Variants in LAMA4 observed in about 807,000 individuals in gnomAD.
LAMA4 encodes laminin subunit alpha 4.
LAMA4 carries 127 observed loss-of-function variants against 207.1 expected under a neutral mutation model. That is an observed-to-expected ratio of 0.61 (90% CI 0.53 to 0.71). The LOEUF is 0.71. Ranked by LOEUF, LAMA4 falls within the 30% of genes least tolerant of loss-of-function variation. LAMA4 has a pLI of 0.00. For synonymous variants in LAMA4, 761 were observed against 816.0 expected, an observed-to-expected ratio of 0.93 and a Z score of 1.15; for missense variants, 2,093 against 2,246.5, an observed-to-expected ratio of 0.93 and a Z score of 1.38.
intron 5 of LAMA4, among the ~76,000 whole-genome samples, chr6:112,199,533 A>T (rs1783612849): frequency 6.6e-6 from 1 of 152,194 alleles, no homozygotes; most frequent in Admixed American, 6.5e-5. Flanking sequence ...ATATAGGATA[A>T]GTGTGTCACA....
intron 27 of LAMA4, 26 bp downstream of exon 27, chr6:112,133,323 A>G: frequency 6.2e-7 from 1 of 1,612,954 alleles, no homozygotes; most frequent in Non-Finnish European, 8.5e-7. Flanking sequence ...TGTCTATTAA[A>G]AAGCTTTTGA....
rs111375210 is a variant in LAMA4, at chr6:112,165,545, C to T, written c.1552-269G>A. Among the ~76,000 whole-genome samples, 881 of 152,284 alleles carry T rather than the reference C, an allele frequency of 5.8e-3. 9 individuals are homozygous for T. The highest frequency in any genetic ancestry group is 0.019 in the African/African-American group (805 of 41,556). ...CCGTCATTTCAAAGAGAGCTAGCGCCTTAGAGAGGGCATTTGTCTCTTTTT... is the reference window on the plus strand; with the variant it reads ...CCGTCATTTCAAAGAGAGCTAGCGCTTTAGAGAGGGCATTTGTCTCTTTTT... On this transcript the variant is annotated intron_variant, in intron 12 of 38. Transcript: ENST00000230538.
At chr6:112,239,094 G>T (rs1207070143) in intron 2 of LAMA4, among the ~76,000 whole-genome samples, 1 of 152,048 alleles carries the variant, frequency 6.6e-6, no homozygotes, top group Non-Finnish European at 1.5e-5. Flanking sequence ...ATCGAGGCAG[G>T]TGGATCACTT....
chr6:112,211,933 G>A (rs1784374515), intron 3 of LAMA4, among the ~76,000 whole-genome samples: 1 of 152,144 alleles, frequency 6.6e-6, no homozygotes, highest in African/African-American at 2.4e-5. Context: ...TCTGGAGCAG[G>A]GGATGGATGA....
intron 2 of LAMA4, among the ~76,000 whole-genome samples, chr6:112,246,380 T>C (rs1290310227): frequency 2.0e-5 from 3 of 152,196 alleles, no homozygotes; most frequent in African/African-American, 7.2e-5. Context: ...ATCATTATAT[T>C]TATGTGGTTA....
At position 112,185,257 on chromosome 6, in the gene LAMA4, C is replaced by T. The variant is rs781919461; in HGVS notation, c.1057G>A (p.Val353Ile). ...CGTACCTTTTCAACTAATTCCTCTACGTCAGACAGAAGGCTTTTCATCGTG... is the reference window on the plus strand; with the variant it reads ...CGTACCTTTTCAACTAATTCCTCTATGTCAGACAGAAGGCTTTTCATCGTG... ...ENTMKSLLSD[V>I]EELVEKENQA... The change falls in exon 9 of 39, where the codon GTA becomes ATA. Residue 353 changes from valine (V) to isoleucine (I), a missense_variant. Transcript: ENST00000230538. 2.6e-5 allele frequency: 41 copies of T among 1,607,054 alleles called. No homozygotes were observed. Among genetic ancestry groups the T allele is most frequent in the South Asian group, 2.3e-4 (21 of 90,942 alleles).
chr6:112,160,734 C>T (rs879981337), intron 13 of LAMA4, among the ~76,000 whole-genome samples: 2 of 152,200 alleles, frequency 1.3e-5, no homozygotes, highest in Non-Finnish European at 2.9e-5. Context: ...AAGAAAGAGA[C>T]CGTGAAACTT....
At position 112,122,092 on chromosome 6, in the gene LAMA4, A is replaced by C. The variant is rs1778395466; in HGVS notation, c.4397T>G (p.Ile1466Arg). 1 of 1,613,770 alleles carries C rather than the reference A, an allele frequency of 6.2e-7. No homozygotes were observed. Among genetic ancestry groups the C allele is most frequent in the Non-Finnish European group, 8.5e-7 (1 of 1,179,928 alleles). Residue 1466 changes from isoleucine (I) to arginine (R), a missense_variant, in exon 32 of 39, where the codon ATA (isoleucine) becomes AGA (arginine). Coordinates refer to ENST00000230538, the MANE Select transcript of LAMA4 (RefSeq NM_001105206.3). Reference protein sequence around the residue: ...HCHLSNSPRAIEHAYQYGGTA... With the variant: ...HCHLSNSPRAREHAYQYGGTA... ...TCCTCCATATTGATAGGCGTGCTCTATTGCTCTAGGGCTGTTGGAAAGGTG... is the reference window on the plus strand; with the variant it reads ...TCCTCCATATTGATAGGCGTGCTCTCTTGCTCTAGGGCTGTTGGAAAGGTG...
intron 3 of LAMA4, among the ~76,000 whole-genome samples, chr6:112,211,016 T>C (rs1397770636): frequency 1.3e-5 from 2 of 152,160 alleles, no homozygotes; most frequent in African/African-American, 4.8e-5. Flanking sequence ...TAAAGGTTTA[T>C]GAGATCATAA....
At chr6:112,221,912 T>C (rs1326171904) in intron 2 of LAMA4, among the ~76,000 whole-genome samples, 1 of 152,204 alleles carries the variant, frequency 6.6e-6, no homozygotes, top group Non-Finnish European at 1.5e-5. Context: ...TATGAATATA[T>C]TAAATGAGTA....
intron 2 of LAMA4, among the ~76,000 whole-genome samples, chr6:112,246,280 G>C (rs1554188636): frequency 6.6e-6 from 1 of 152,104 alleles, no homozygotes; most frequent in Non-Finnish European, 1.5e-5. Context: ...TGATTGTTTG[G>C]AAATGCTAAG....
rs1335468210 is a variant in LAMA4 at position 112,241,128 on chromosome 6, A to AAT, written c.195+12826_195+12827dup. 2.9e-5 allele frequency among the ~76,000 whole-genome samples: 3 copies of AAT among 103,776 alleles called. 1 individual carries two copies. The highest frequency in any genetic ancestry group is 4.3e-5 in the Non-Finnish European group (2 of 46,532). 68.1% of individuals were successfully genotyped at this position (103,776 alleles called of 152,430 possible). ...ATATATATATATGAATATATATATG[A>AAT]ATATATAGGAATATATATATGAATA... On this transcript the variant is annotated intron_variant, in intron 2 of 38. Transcript: ENST00000230538.
intron 13 of LAMA4, among the ~76,000 whole-genome samples, chr6:112,163,620 C>A (rs188807497): frequency 1.3e-5 from 2 of 152,160 alleles, no homozygotes; most frequent in South Asian, 2.1e-4. Context: ...GAACCCCCTT[C>A]AGAAACGGCC....
chr6:112,180,056 A>G, intron 9 of LAMA4: 1 of 382,550 alleles, frequency 2.6e-6, no homozygotes, highest in Non-Finnish European at 5.2e-6. Context: ...GGACACAAGC[A>G]TTTAAAATTT....
chr6:112,234,528 C>T (rs1785763293), intron 2 of LAMA4: 1 of 151,174 alleles, frequency 6.6e-6, no homozygotes, highest in Admixed American at 6.6e-5. Flanking sequence ...TGATTCATGA[C>T]TTTGAGGAGA....
intron 8 of LAMA4, among the ~76,000 whole-genome samples, chr6:112,185,599 T>C (rs2114932346): frequency 6.6e-6 from 1 of 152,236 alleles, no homozygotes; most frequent in African/African-American, 2.4e-5. Flanking sequence ...GGGTTGACCA[T>C]GGGGAAAGGG....
intron 13 of LAMA4, among the ~76,000 whole-genome samples, chr6:112,160,712 C>T (rs1172025220): frequency 6.6e-6 from 1 of 152,196 alleles, no homozygotes; most frequent in Non-Finnish European, 1.5e-5. Context: ...TGGGTCTCCT[C>T]TTTCCCTGAC....
intron 5 of LAMA4, among the ~76,000 whole-genome samples, chr6:112,194,654 T>C (rs1312818163): frequency 6.6e-6 from 1 of 152,188 alleles, no homozygotes; most frequent in African/African-American, 2.4e-5. Context: ...CTCAAACCTC[T>C]GTGGGACTCC....
At position 112,134,530 on chromosome 6, in the gene LAMA4, T is replaced by A; in HGVS notation, c.3494A>T (p.Lys1165Met). The change falls in exon 26 of 39, where the codon AAG becomes ATG. Residue 1165 changes from lysine to methionine, a missense_variant. Coordinates refer to ENST00000230538, the MANE Select transcript of LAMA4 (RefSeq NM_001105206.3). ...RRHVKSMDNE[K>M]MKIPFTDIYI... ...TATATCTGTAAAAGGTATTTTCATC[T>A]TTTCATTATCCATGCTCTTGACATG... The A allele has an allele frequency of 1.2e-6, 2 of 1,612,710 alleles. No homozygotes were observed. Among genetic ancestry groups the A allele is most frequent in the Non-Finnish European group, 1.7e-6 (2 of 1,178,878 alleles).
Sources: allele counts gnomAD v4.1 joint callset (sites outside exome capture counted in the v4.1 genomes callset), GRCh38; gene constraint gnomAD v4.1.1; transcripts MANE v1.5; gene names NCBI Gene and HGNC (gene_info 2026-07-23, HGNC 2026-07-21).